Variants in FGD4 observed in about 807,000 individuals in gnomAD.
The protein encoded by FGD4 is FYVE, RhoGEF and PH domain containing 4.
Under a neutral mutation model 102.0 loss-of-function variants are expected in FGD4, and 42 were observed. The observed-to-expected ratio is 0.41, with a 90% CI of 0.32 to 0.53. The LOEUF (loss-of-function observed/expected upper bound fraction) is 0.53. FGD4 is among the 20% of genes least tolerant of loss of function. The probability of loss-of-function intolerance (pLI) is 0.21; values close to 1 mark genes in which losing one functional copy is unlikely to be tolerated. For synonymous variants in FGD4, 380 were observed against 375.7 expected (o/e 1.01, Z -0.13); for missense variants, 902 against 1,078.2 (o/e 0.84, Z 2.29).
chr12:32,611,745 G>GTA (rs971988703), intron 10 of FGD4, among the ~76,000 whole-genome samples: 3 of 152,232 alleles, frequency 2.0e-5, no homozygotes, highest in African/African-American at 4.8e-5. Flanking sequence ...AATATTCTAA[G>GTA]TAACGTATTT....
chr12:32,406,191 C>T (rs1303290178), intron 1 of FGD4, among the ~76,000 whole-genome samples: 1 of 152,058 alleles, frequency 6.6e-6, no homozygotes, highest in Non-Finnish European at 1.5e-5. Flanking sequence ...ATCCGCCCGC[C>T]TCAGCCTCCC....
intron 1 of FGD4, among the ~76,000 whole-genome samples, chr12:32,422,976 G>C (rs148166020): frequency 2.1e-4 from 32 of 152,234 alleles, no homozygotes; most frequent in African/African-American, 7.2e-4. Context: ...AAGTTCACAT[G>C]GCTAGTAGGT....
intron 16 of FGD4, among the ~76,000 whole-genome samples, chr12:32,639,642 G>T (rs1179676564): frequency 6.6e-6 from 1 of 152,158 alleles, no homozygotes; most frequent in Non-Finnish European, 1.5e-5. Flanking sequence ...TGCAGGTTTA[G>T]CTTTTAACAA....
At chr12:32,589,873 A>G (rs1947331730) in intron 4 of FGD4, among the ~76,000 whole-genome samples, 1 of 152,038 alleles carries the variant, frequency 6.6e-6, no homozygotes, top group Non-Finnish European at 1.5e-5. Context: ...TCTTATTTCA[A>G]GTTTTGAATT....
chr12:32,563,785 G>A (rs897407041), intron 1 of FGD4, among the ~76,000 whole-genome samples: 9 of 152,162 alleles, frequency 5.9e-5, no homozygotes, highest in African/African-American at 1.7e-4. Context: ...GATCACTCGC[G>A]GTTAGGAGCT....
chr12:32,583,253 C>T (rs1388013766), intron 4 of FGD4, among the ~76,000 whole-genome samples: 1 of 152,140 alleles, frequency 6.6e-6, no homozygotes, highest in Non-Finnish European at 1.5e-5. Context: ...GGGAGAATTT[C>T]TTGAGCCCAG....
intron 1 of FGD4, among the ~76,000 whole-genome samples, chr12:32,462,823 C>G (rs527500226): frequency 6.6e-6 from 1 of 152,138 alleles, no homozygotes. Context: ...CATCAGCTCA[C>G]CCCACATTTA....
chr12:32,502,571 T>A (rs1406284336), intron 1 of FGD4, among the ~76,000 whole-genome samples: 1 of 152,230 alleles, frequency 6.6e-6, no homozygotes, highest in East Asian at 1.9e-4. Context: ...GTGAAATTGT[T>A]TTATGACTCC....
chr12:32,571,850 G>T (rs73100149), intron 2 of FGD4, among the ~76,000 whole-genome samples: 21 of 151,986 alleles, frequency 1.4e-4, no homozygotes, highest in African/African-American at 4.6e-4. Flanking sequence ...GGCTGCATAG[G>T]GGGTGGGAGA....
chr12:32,491,448 T>G (rs1319421209), intron 1 of FGD4, among the ~76,000 whole-genome samples: 1 of 152,230 alleles, frequency 6.6e-6, no homozygotes, highest in African/African-American at 2.4e-5. Context: ...TAAATGTTTG[T>G]TGAATAGAAT....
intron 1 of FGD4, 38 bp downstream of exon 1, chr12:32,399,997 C>G: frequency 2.1e-6 from 3 of 1,424,266 alleles, no homozygotes; most frequent in Non-Finnish European, 2.7e-6. Flanking sequence ...GTGGCCCCGG[C>G]GCGTAGGTGC....
In FGD4 at chr12:32,506,965, CAT is replaced by C. The variant is rs1299421916; in HGVS notation, c.167-57171_167-57170del. On this transcript the variant is annotated intron_variant, in intron 1 of 16. Transcript: ENST00000534526. The surrounding 1 kb of genome is among the most constrained non-coding windows in gnomAD (Gnocchi z 4.5). ...TTATTATACTTTAAGTTTTAGGGCA[CAT>C]GTGCACAACGTGCAGGTTAGTTACA... Among the ~76,000 whole-genome samples the C allele has an allele frequency of 6.6e-6, 1 of 152,078 alleles. No homozygotes were observed. The highest frequency in any genetic ancestry group is 2.1e-4 in the South Asian group (1 of 4,824).
chr12:32,421,754 C>CA, intron 1 of FGD4, among the ~76,000 whole-genome samples: 1 of 151,658 alleles, frequency 6.6e-6, no homozygotes, highest in African/African-American at 2.4e-5. Context: ...GCTTTAAAAG[C>CA]AAAAAACAAA....
chr12:32,629,648 T>C (rs1950383263), intron 14 of FGD4, among the ~76,000 whole-genome samples: 1 of 152,222 alleles, frequency 6.6e-6, no homozygotes, highest in Non-Finnish European at 1.5e-5. Flanking sequence ...TCTCTCTCTA[T>C]AGCATTTTAT....
At chr12:32,574,547 C>T (rs2136359724) in intron 2 of FGD4, among the ~76,000 whole-genome samples, 1 of 152,106 alleles carries the variant, frequency 6.6e-6, no homozygotes, top group Middle Eastern at 3.4e-3. Context: ...TTAATCACTC[C>T]CCCAAACATA....
chr12:32,626,305 G>A (rs1227552856), intron 14 of FGD4, among the ~76,000 whole-genome samples: 4 of 152,174 alleles, frequency 2.6e-5, no homozygotes, highest in South Asian at 2.1e-4. Flanking sequence ...TTAGCCAGGC[G>A]TGGCGGCGCA....
chr12:32,488,232 A>G lies in FGD4; in HGVS notation c.167-75905A>G, dbSNP rs16919922. On this transcript the variant is annotated intron_variant, in intron 1 of 16. Coordinates refer to ENST00000534526, the MANE Select transcript of FGD4 (RefSeq NM_001370298.3). ...TTGTTTTTTAACATTGTGACATTGTAAAAAGTTTCTGTGTCACAGACTTGC... is the reference window on the plus strand; with the variant it reads ...TTGTTTTTTAACATTGTGACATTGTGAAAAGTTTCTGTGTCACAGACTTGC... Among the ~76,000 whole-genome samples the G allele has an allele frequency of 4.6e-3, 699 of 152,116 alleles. 2 individuals are homozygous for G. Among genetic ancestry groups the G allele is most frequent in the Middle Eastern group, 0.014 (4 of 294 alleles).
chr12:32,595,077 A>AATGTTG (rs1947781703), intron 4 of FGD4, among the ~76,000 whole-genome samples: 1 of 151,860 alleles, frequency 6.6e-6, no homozygotes, highest in Non-Finnish European at 1.5e-5. Flanking sequence ...AAGGGCTTAC[A>AATGTTG]ATGTTGATGC....
Position 32,611,073 on chromosome 12 carries a change from A to AG in FGD4, c.1603-63dup. ...AAATTTAGATTTTAGTTAAGGTCAT[A>AG]GTATTATTAAAGCTACTAGGTTGAA... is the stretch of plus-strand genomic sequence containing the variant. On this transcript the variant is annotated intron_variant, in intron 9 of 16. Transcript: ENST00000534526. 1.9e-6 allele frequency: 3 copies of AG among 1,584,776 alleles called. No individual in the cohort carries two copies. In the African/African-American group the frequency reaches 4.0e-5, roughly 21 times the overall value.
Sources: gnomAD v4.1 joint callset for allele counts (sites outside exome capture counted in the v4.1 genomes callset) on GRCh38, gnomAD v4.1.1 for gene constraint, Gnocchi (gnomAD v3.1) non-coding constraint, MANE v1.5 for transcripts, NCBI Gene and HGNC (gene_info 2026-07-23, HGNC 2026-07-21) for gene names.